Variants in MGST1 observed in about 807,000 individuals in gnomAD.
MGST1 encodes the protein glutathione S-transferase 12.
A neutral mutation model predicts 8.9 loss-of-function variants in MGST1; 5 were observed. That is an observed-to-expected ratio of 0.56 (90% CI 0.29 to 1.19). The LOEUF (loss-of-function observed/expected upper bound fraction) is 1.19, where lower values mean the gene tolerates loss of function less well. Among genes scored for constraint, MGST1 ranks in the 50% most tolerant of loss-of-function variants. The probability of loss-of-function intolerance (pLI) is 0.08; values close to 1 mark genes in which losing one functional copy is unlikely to be tolerated. For missense variants in MGST1, 182 were observed against 187.4 expected, an observed-to-expected ratio of 0.97 and a Z score of 0.17; for synonymous variants, 54 against 67.8, an observed-to-expected ratio of 0.80 and a Z score of 1.00.
chr12:16,468,034 T>C (rs1647913920), intron 4 of MGST1, among the ~76,000 whole-genome samples: 1 of 152,128 alleles, frequency 6.6e-6, no homozygotes, highest in Non-Finnish European at 1.5e-5. Flanking sequence ...TTAGGGAAAA[T>C]ATAAGACTAT....
In MGST1 at chr12:16,482,103, G is replaced by A. The variant is rs1340504834; in HGVS notation, n.482+98499G>A. On this transcript the variant is annotated intron_variant and non_coding_transcript_variant, in intron 4 of 4. Transcript: ENST00000538857. This position sits in a 1 kb window ranked among gnomAD's most constrained non-coding sequence, Gnocchi z 4.2. ...AAAATATAATAGTCAACATAAAATT[G>A]TATTCTAGCTAAATTTTACTTAAAA... Among the ~76,000 whole-genome samples, 1 of 152,086 alleles carries A rather than the reference G, an allele frequency of 6.6e-6. No homozygotes were observed. The highest frequency in any genetic ancestry group is 1.5e-5 in the Non-Finnish European group (1 of 68,012).
intron 1 of MGST1, among the ~76,000 whole-genome samples, chr12:16,397,577 CA>C (rs561070587): frequency 1.4e-5 from 2 of 147,378 alleles, no homozygotes; most frequent in Non-Finnish European, 1.5e-5. Flanking sequence ...AACAAAATAG[CA>C]AAAAAAAACA....
At position 16,413,152 on chromosome 12, in the gene MGST1, A is replaced by G. The variant is rs1166034770; in HGVS notation, n.779-24236A>G. 6.6e-6 allele frequency among the ~76,000 whole-genome samples: 1 copy of G among 152,132 alleles called. No homozygotes were observed. The highest frequency in any genetic ancestry group is 1.5e-5 in the Non-Finnish European group (1 of 68,024). On this transcript the variant is annotated intron_variant and non_coding_transcript_variant, in intron 1 of 1. Transcript: ENST00000359720. This position sits in a 1 kb window ranked among gnomAD's most constrained non-coding sequence, Gnocchi z 4.0. ...AAAGGAAGGAGAAGAGAGACCAGCA[A>G]ATTAGCATCAAGAGAACCACTATCA...
chr12:16,591,166 A>G (rs1264159122), downstream of MGST1, among the ~76,000 whole-genome samples: 2 of 151,844 alleles, frequency 1.3e-5, no homozygotes, highest in African/African-American at 2.4e-5. This position sits in a 1 kb window ranked among gnomAD's most constrained non-coding sequence, Gnocchi z 4.1. Context: ...CACAGTGACT[A>G]CCCCTTATTC....
intron 1 of MGST1, among the ~76,000 whole-genome samples, chr12:16,424,535 C>A (rs934124004): frequency 5.1e-4 from 78 of 152,232 alleles, no homozygotes; most frequent in African/African-American, 1.7e-3. Flanking sequence ...TCTTGTAAGG[C>A]CCAGGATTGA....
intron 1 of MGST1, among the ~76,000 whole-genome samples, chr12:16,433,710 G>C (rs928393169): frequency 2.0e-5 from 3 of 151,868 alleles, no homozygotes; most frequent in African/African-American, 7.3e-5. Flanking sequence ...CAAATATCTG[G>C]GCATCCTATG....
At chr12:16,570,159 T>C (rs952790019) in intron 4 of MGST1, among the ~76,000 whole-genome samples, 1 of 152,188 alleles carries the variant, frequency 6.6e-6, no homozygotes, top group Admixed American at 6.5e-5. Context: ...TGTGATAGTC[T>C]ATTCTATAAT....
At chr12:16,449,460 C>A (rs908951753) in intron 4 of MGST1, among the ~76,000 whole-genome samples, 5 of 151,842 alleles carry the variant, frequency 3.3e-5, no homozygotes, top group African/African-American at 1.2e-4. Context: ...AAGACAGGAC[C>A]CCCACTCAAA....
chr12:16,530,137 A>G (rs940536906), intron 4 of MGST1, among the ~76,000 whole-genome samples: 2 of 152,130 alleles, frequency 1.3e-5, no homozygotes, highest in Non-Finnish European at 2.9e-5. Flanking sequence ...ATATGATTTT[A>G]GTGGCAAAAA....
At chr12:16,358,402 C>G (rs1483841350) in intron 3 of MGST1, among the ~76,000 whole-genome samples, 1 of 151,572 alleles carries the variant, frequency 6.6e-6, no homozygotes, top group African/African-American at 2.4e-5. Context: ...TTTTCTTTTC[C>G]TGTGTTAATT....
At chr12:16,452,289 C>T (rs1941134827) in intron 4 of MGST1, among the ~76,000 whole-genome samples, 1 of 151,600 alleles carries the variant, frequency 6.6e-6, no homozygotes, top group African/African-American at 2.4e-5. Context: ...CCTAAGAGAA[C>T]CCTATGTTTT....
chr12:16,413,820 G>A lies in MGST1; in HGVS notation n.779-23568G>A, dbSNP rs190158586. Among the ~76,000 whole-genome samples the A allele has an allele frequency of 4.4e-3, 677 of 152,176 alleles. 4 individuals are homozygous for A. Among genetic ancestry groups the A allele is most frequent in the African/African-American group, 0.016 (656 of 41,520 alleles). On this transcript the variant is annotated intron_variant and non_coding_transcript_variant, in intron 1 of 1. Transcript: ENST00000359720. The surrounding 1 kb of genome is among the most constrained non-coding windows in gnomAD (Gnocchi z 4.0). ...GTGTTATTTAATCTTGGCATCTCCAGCATATAATTTCTGACACATTGAAGA... is the reference window on the plus strand; with the variant it reads ...GTGTTATTTAATCTTGGCATCTCCAACATATAATTTCTGACACATTGAAGA...
chr12:16,351,306 CT>C (rs1305775554), intron 1 of MGST1, among the ~76,000 whole-genome samples: 1 of 137,870 alleles, frequency 7.3e-6, no homozygotes, highest in Non-Finnish European at 1.6e-5. Flanking sequence ...TTATTCATGA[CT>C]TTCACCCCTT....
downstream of MGST1, among the ~76,000 whole-genome samples, chr12:16,590,044 A>T (rs1181184818): frequency 3.3e-5 from 5 of 152,120 alleles, no homozygotes; most frequent in African/African-American, 1.2e-4. Flanking sequence ...TTCTTAGCCA[A>T]GTATGCATGA....
intron 4 of MGST1, among the ~76,000 whole-genome samples, chr12:16,566,536 A>G (rs1942617115): frequency 6.6e-6 from 1 of 152,202 alleles, no homozygotes; most frequent in African/African-American, 2.4e-5. Flanking sequence ...ATGTACCATT[A>G]TAAGGTGCTA....
chr12:16,563,816 A>C (rs1489785453), intron 4 of MGST1, among the ~76,000 whole-genome samples: 6 of 152,326 alleles, frequency 3.9e-5, no homozygotes, highest in Admixed American at 3.9e-4. Flanking sequence ...ACAGCATACC[A>C]GCTTATACAT....
At chr12:16,549,295 G>T (rs1371518378) in intron 4 of MGST1, 1 of 152,058 alleles carries the variant, frequency 6.6e-6, no homozygotes, top group Non-Finnish European at 1.5e-5. Flanking sequence ...GCCCCAAATA[G>T]CTACTTTTGA....
At chr12:16,510,168 G>T (rs1458002903) in intron 4 of MGST1, among the ~76,000 whole-genome samples, 1 of 152,148 alleles carries the variant, frequency 6.6e-6, no homozygotes, top group South Asian at 2.1e-4. Context: ...TCTGTCAGAT[G>T]GCAGTGGCTC....
chr12:16,549,179 A>G (rs371341050), intron 4 of MGST1: 1 of 152,120 alleles, frequency 6.6e-6, no homozygotes, highest in African/African-American at 2.4e-5. Context: ...TCTCTCCCCC[A>G]CATATTTTTA....
Sources: gnomAD v4.1 joint callset for allele counts (sites outside exome capture counted in the v4.1 genomes callset) on GRCh38, gnomAD v4.1.1 for gene constraint, Gnocchi (gnomAD v3.1) non-coding constraint, MANE v1.5 for transcripts, NCBI Gene and HGNC (gene_info 2026-07-23, HGNC 2026-07-21) for gene names.